The following WAPL variants were observed in gnomAD, a reference collection of about 807,000 sequenced individuals.
WAPL encodes wings apart-like protein homolog.
Under a neutral mutation model 121.0 loss-of-function variants are expected in WAPL, and 5 were observed. The observed-to-expected ratio is 0.04, with a 90% CI of 0.02 to 0.09. WAPL has a LOEUF of 0.09. Among genes scored for constraint, WAPL ranks in the 10% least tolerant of loss-of-function variants. WAPL has a pLI of 1.00. For missense variants in WAPL, 999 were observed against 1,410.8 expected (o/e 0.71, Z 4.68); for synonymous variants, 480 against 481.5 (o/e 1.00, Z 0.04).
intron 2 of WAPL, among the ~76,000 whole-genome samples, chr10:86,501,071 G>C (rs1267004925): frequency 1.3e-5 from 2 of 152,004 alleles, no homozygotes; most frequent in East Asian, 1.9e-4. Context: ...GGGTATTATG[G>C]GCTTTTCAAA....
At chr10:86,469,596 T>G (rs952269002) in intron 8 of WAPL, among the ~76,000 whole-genome samples, 10 of 152,016 alleles carry the variant, frequency 6.6e-5, no homozygotes, top group Non-Finnish European at 1.0e-4. Flanking sequence ...AGGTGAAATA[T>G]TTTAGATAAA....
chr10:86,465,830 G>T (rs1316397831), intron 9 of WAPL, among the ~76,000 whole-genome samples: 4 of 152,082 alleles, frequency 2.6e-5, no homozygotes, highest in Admixed American at 6.6e-5. Context: ...AGGTACATTT[G>T]CATGGACTTG....
intron 4 of WAPL, among the ~76,000 whole-genome samples, chr10:86,488,100 C>A (rs781736862): frequency 1.3e-5 from 2 of 151,788 alleles, no homozygotes; most frequent in African/African-American, 4.8e-5. Flanking sequence ...AGATTTCTCT[C>A]GGCGAAGGGA....
chr10:86,482,666 CA>C (rs1459498919), intron 4 of WAPL, among the ~76,000 whole-genome samples: 2 of 152,154 alleles, frequency 1.3e-5, no homozygotes, highest in Non-Finnish European at 2.9e-5. Flanking sequence ...ATCAAACAGC[CA>C]GCTTAATGAG....
At position 86,436,772 on chromosome 10, in the gene WAPL, CCTTTT is replaced by C. The variant is rs1258766337; in HGVS notation, c.*766_*770del. 5 of 152,750 alleles carry C rather than the reference CCTTTT, an allele frequency of 3.3e-5. No homozygotes were observed. Among genetic ancestry groups the C allele is most frequent in the Non-Finnish European group, 5.9e-5 (4 of 68,040 alleles). The allele number at this position is 152,750 out of a possible 1,614,324, so 9.5% of individuals were successfully genotyped here. On this transcript the variant is annotated 3_prime_UTR_variant, in exon 19 of 19. Coordinates refer to ENST00000298767, the MANE Select transcript of WAPL (RefSeq NM_015045.5). ...CCTGGGTTTGACTATTTTGCCTCCT[CCTTTT>C]AACAGGGCACATCATCTTATATAAT...
chr10:86,492,864 T>C (rs1842077012), intron 4 of WAPL, among the ~76,000 whole-genome samples: 1 of 152,156 alleles, frequency 6.6e-6, no homozygotes, highest in African/African-American at 2.4e-5. Flanking sequence ...GAGACCATCC[T>C]GGCTAACACT....
chr10:86,441,207 A>AC lies in WAPL; in HGVS notation c.3411+2067dup, dbSNP rs1235027918. Among the ~76,000 whole-genome samples, 3 of 151,986 alleles carry AC rather than the reference A, an allele frequency of 2.0e-5. No individual in the cohort carries two copies. In the East Asian group the frequency reaches 5.8e-4, roughly 29 times the overall value. ...CTTAAAAATAATCCACCTATGCCCA[A>AC]CCCCCCATCTGAAAGAGAACACTCA... On this transcript the variant is annotated intron_variant, in intron 17 of 18. Coordinates refer to ENST00000298767, the MANE Select transcript of WAPL (RefSeq NM_015045.5).
At chr10:86,486,245 T>C (rs961267485) in intron 4 of WAPL, among the ~76,000 whole-genome samples, 2 of 152,202 alleles carry the variant, frequency 1.3e-5, no homozygotes, top group African/African-American at 2.4e-5. Flanking sequence ...CAGAAAAATA[T>C]GCTATTTCAT....
chr10:86,494,995 A>C (rs1842122956), intron 4 of WAPL, among the ~76,000 whole-genome samples: 1 of 152,206 alleles, frequency 6.6e-6, no homozygotes, highest in South Asian at 2.1e-4. Context: ...CATTGAAAAG[A>C]TCCCCAGTGG....
intron 15 of WAPL, among the ~76,000 whole-genome samples, chr10:86,446,975 T>C (rs1849637824): frequency 6.6e-6 from 1 of 152,210 alleles, no homozygotes; most frequent in African/African-American, 2.4e-5. Flanking sequence ...TATAAAATAA[T>C]ATCTTTCAGA....
chr10:86,449,897 T>C (rs1840935758), intron 15 of WAPL, among the ~76,000 whole-genome samples: 1 of 152,224 alleles, frequency 6.6e-6, no homozygotes, highest in Non-Finnish European at 1.5e-5. Flanking sequence ...AATTCTTTTA[T>C]GGTGACGGTT....
At chr10:86,503,758 A>C (rs1213841732) in intron 2 of WAPL, among the ~76,000 whole-genome samples, 2 of 151,412 alleles carry the variant, frequency 1.3e-5, no homozygotes, top group African/African-American at 4.9e-5. Flanking sequence ...ATCTCAAAAA[A>C]AAAAAAGAAT....
chr10:86,477,584 C>T (rs1419884957), intron 4 of WAPL, among the ~76,000 whole-genome samples: 1 of 152,146 alleles, frequency 6.6e-6, no homozygotes, highest in East Asian at 1.9e-4. Flanking sequence ...AGGTGGATCA[C>T]CTGAGGTCAG....
Position 86,459,851 on chromosome 10 carries a change from C to T in WAPL, c.2580+548G>A, listed in dbSNP as rs561661291. 5.5e-4 allele frequency among the ~76,000 whole-genome samples: 83 copies of T among 152,262 alleles called. 1 individual carries two copies. The highest frequency in any genetic ancestry group is 1.2e-4 in the Non-Finnish European group (8 of 68,022). Reference sequence around the variant, plus strand: ...ATTGGAGGGGCCCAGCAAAGTGTAACGCCTGTAATCCCAATACTTTGGGAG... The same window carrying T: ...ATTGGAGGGGCCCAGCAAAGTGTAATGCCTGTAATCCCAATACTTTGGGAG... On this transcript the variant is annotated intron_variant, in intron 11 of 18. Coordinates refer to ENST00000298767, the MANE Select transcript of WAPL (RefSeq NM_015045.5).
chr10:86,453,386 C>T, intron 13 of WAPL, 51 bp from the exon 14 acceptor site: 1 of 1,552,752 alleles, frequency 6.4e-7, no homozygotes, highest in Non-Finnish European at 8.9e-7. Flanking sequence ...TTCCTTAGAA[C>T]ACTAATAATG....
chr10:86,501,581 G>C lies in WAPL; in HGVS notation c.500-838C>G, dbSNP rs150663113. 1.9e-3 allele frequency among the ~76,000 whole-genome samples: 284 copies of C among 152,304 alleles called. 1 individual carries two copies. The highest frequency in any genetic ancestry group is 6.4e-3 in the African/African-American group (265 of 41,564). ...TTCTACAAAATACATCTACATTTAAGAAAAGCTATTTACAAATCTCAATTA... is the reference window on the plus strand; with the variant it reads ...TTCTACAAAATACATCTACATTTAACAAAAGCTATTTACAAATCTCAATTA... On this transcript the variant is annotated intron_variant, in intron 2 of 18. Coordinates refer to ENST00000298767, the MANE Select transcript of WAPL (RefSeq NM_015045.5).
intron 9 of WAPL, 105 bp from the exon 10 acceptor site, chr10:86,461,392 A>G (rs1841270675): frequency 1.3e-6 from 1 of 758,984 alleles, no homozygotes; most frequent in Admixed American, 2.7e-5. Context: ...GTTTAACACC[A>G]CTTTTATACA....
chr10:86,504,324 A>T (rs182665146), intron 2 of WAPL, among the ~76,000 whole-genome samples: 87 of 151,078 alleles, frequency 5.8e-4, no homozygotes, highest in African/African-American at 1.9e-3. Context: ...TATTTATATA[A>T]GCCCTCGGTA....
intron 8 of WAPL, among the ~76,000 whole-genome samples, chr10:86,467,881 T>C (rs1171558722): frequency 5.9e-5 from 9 of 151,910 alleles, no homozygotes; most frequent in Non-Finnish European, 1.2e-4. Context: ...GGTTTCACGG[T>C]GTTAGCCAGG....
Sources: allele counts gnomAD v4.1 joint callset (sites outside exome capture counted in the v4.1 genomes callset), GRCh38; gene constraint gnomAD v4.1.1; transcripts MANE v1.5; gene names NCBI Gene and HGNC (gene_info 2026-07-23, HGNC 2026-07-21).